RAB38: variants seen among roughly 807,000 people sequenced by gnomAD.
RAB38 encodes the protein RAB38, member RAS oncogene family.
A neutral mutation model predicts 18.4 loss-of-function variants in RAB38; 15 were observed. The observed-to-expected ratio is 0.82, with a 90% confidence interval of 0.55 to 1.26. The LOEUF is 1.26. Ranked by LOEUF, RAB38 falls within the 50% of genes most tolerant of loss-of-function variation. RAB38 has a pLI of 0.00. For synonymous variants in RAB38, 101 were observed against 104.4 expected, an observed-to-expected ratio of 0.97 and a Z score of 0.20; for missense variants, 294 against 267.4, an observed-to-expected ratio of 1.10 and a Z score of -0.69.
chr11:87,955,852 A>G, the RAB38 span, among the ~76,000 whole-genome samples: 3 of 147,334 alleles, frequency 2.0e-5, no homozygotes, highest in East Asian at 2.0e-4. Flanking sequence ...TAAAATCAAT[A>G]TAATGGGTAG....
At chr11:87,811,197 T>A in the RAB38 span, among the ~76,000 whole-genome samples, 2 of 152,176 alleles carry the variant, frequency 1.3e-5, no homozygotes, top group East Asian at 3.9e-4. Flanking sequence ...TGAGGCTTTT[T>A]CTAGTGGAGT....
At chr11:88,148,498 C>T (rs947856182) in intron 2 of RAB38, among the ~76,000 whole-genome samples, 1 of 152,222 alleles carries the variant, frequency 6.6e-6, no homozygotes, top group Non-Finnish European at 1.5e-5. Context: ...TCCTGGTTCA[C>T]TGCCCTCCAA....
chr11:88,052,412 A>T, the RAB38 span, among the ~76,000 whole-genome samples: 93,825 of 151,850 alleles, frequency 0.62, 29,604 homozygotes, highest in Non-Finnish European at 0.68. Flanking sequence ...CCTTCCAAAT[A>T]TTTTGGTATA....
At chr11:88,025,273 A>G in the RAB38 span, among the ~76,000 whole-genome samples, 10 of 151,618 alleles carry the variant, frequency 6.6e-5, no homozygotes, top group Admixed American at 6.6e-4. Flanking sequence ...TTTTAATCCA[A>G]TCCATCATTG....
At chr11:88,044,161 GT>G in the RAB38 span, among the ~76,000 whole-genome samples, 3 of 152,326 alleles carry the variant, frequency 2.0e-5, no homozygotes, top group South Asian at 6.2e-4. Flanking sequence ...TTCCCTTGGT[GT>G]TTAATCATTG....
At chr11:87,846,276 C>T in the RAB38 span, among the ~76,000 whole-genome samples, 2 of 151,882 alleles carry the variant, frequency 1.3e-5, no homozygotes, top group African/African-American at 2.4e-5. Context: ...TTATTGGTTT[C>T]GTTACTCCAA....
At chr11:88,074,396 T>G in the RAB38 span, among the ~76,000 whole-genome samples, 1 of 152,142 alleles carries the variant, frequency 6.6e-6, no homozygotes, top group Non-Finnish European at 1.5e-5. Flanking sequence ...AGACTAAATA[T>G]GGGGAAATGG....
the RAB38 span, chr11:87,917,845 CATG>C: frequency 1.3e-5 from 2 of 152,072 alleles, no homozygotes; most frequent in African/African-American, 4.8e-5. Context: ...TCATTTAAAC[CATG>C]ACTTAATCCC....
chr11:88,121,187 C>T (rs1942623756), intron 2 of RAB38, among the ~76,000 whole-genome samples: 1 of 152,192 alleles, frequency 6.6e-6, no homozygotes, highest in African/African-American at 2.4e-5. Flanking sequence ...ACCACTACAT[C>T]CTAACTGCCT....
At chr11:87,949,177 A>G in the RAB38 span, among the ~76,000 whole-genome samples, 2 of 152,134 alleles carry the variant, frequency 1.3e-5, no homozygotes, top group African/African-American at 2.4e-5. Flanking sequence ...TTATTTGCAT[A>G]GAGGTGTTTA....
At chr11:88,032,999 T>C in the RAB38 span, among the ~76,000 whole-genome samples, 1 of 152,124 alleles carries the variant, frequency 6.6e-6, no homozygotes, top group Non-Finnish European at 1.5e-5. Context: ...AATGATAGAC[T>C]GGATTAAGAA....
At chr11:87,945,431 T>A in the RAB38 span, among the ~76,000 whole-genome samples, 1 of 152,126 alleles carries the variant, frequency 6.6e-6, no homozygotes, top group Non-Finnish European at 1.5e-5. Context: ...AATGGAGCAA[T>A]TTAACAAATT....
the RAB38 span, among the ~76,000 whole-genome samples, chr11:88,004,360 C>T: frequency 6.6e-6 from 1 of 150,840 alleles, no homozygotes; most frequent in Admixed American, 6.6e-5. Flanking sequence ...TGTAATTTAC[C>T]ACAATAACAA....
chr11:88,042,886 A>T, the RAB38 span, among the ~76,000 whole-genome samples: 1 of 152,216 alleles, frequency 6.6e-6, no homozygotes, highest in African/African-American at 2.4e-5. Context: ...GGCTGAGAAC[A>T]GAAATGTCTT....
chr11:87,975,672 T>C, the RAB38 span, among the ~76,000 whole-genome samples: 13 of 151,852 alleles, frequency 8.6e-5, no homozygotes, highest in Admixed American at 8.6e-4. Flanking sequence ...ATGAAATTAT[T>C]GAGAGATTCC....
the RAB38 span, among the ~76,000 whole-genome samples, chr11:88,005,794 G>T: frequency 6.6e-6 from 1 of 151,350 alleles, no homozygotes; most frequent in East Asian, 1.9e-4. Context: ...AGAGATAAGG[G>T]TCTAGTTTTG....
the RAB38 span, among the ~76,000 whole-genome samples, chr11:87,886,645 T>TACAA: frequency 1.3e-5 from 2 of 151,926 alleles, no homozygotes; most frequent in Non-Finnish European, 2.9e-5. Context: ...TCCATCTTAG[T>TACAA]ACAAACACTT....
chr11:87,936,832 A>G, the RAB38 span, among the ~76,000 whole-genome samples: 1 of 151,918 alleles, frequency 6.6e-6, no homozygotes, highest in Non-Finnish European at 1.5e-5. Flanking sequence ...GTATTATGCA[A>G]CCTTCCTAAA....
the RAB38 span, among the ~76,000 whole-genome samples, chr11:87,939,470 C>CTGTT: frequency 5.3e-4 from 80 of 151,960 alleles, no homozygotes; most frequent in South Asian, 0.016. Context: ...AACATAAAGA[C>CTGTT]TGTTTGATAT....
Sources: gnomAD v4.1 joint callset for allele counts (sites outside exome capture counted in the v4.1 genomes callset) on GRCh38, gnomAD v4.1.1 for gene constraint, MANE v1.5 for transcripts, NCBI Gene and HGNC (gene_info 2026-07-23, HGNC 2026-07-21) for gene names.